GALNT7: variants seen among roughly 807,000 people sequenced by gnomAD.
The protein encoded by GALNT7 is N-acetylgalactosaminyltransferase 7.
A neutral mutation model predicts 82.1 loss-of-function variants in GALNT7; 60 were observed. That is an observed-to-expected ratio of 0.73 (90% CI 0.59 to 0.91). GALNT7 has a LOEUF of 0.91. GALNT7 is among the 40% of genes least tolerant of loss of function. GALNT7 has a pLI of 0.00. For synonymous variants in GALNT7, 243 were observed against 275.1 expected (o/e 0.88, Z 1.15); for missense variants, 660 against 804.2 (o/e 0.82, Z 2.17).
chr4:173,202,583 C>T (rs558026343), intron 1 of GALNT7, among the ~76,000 whole-genome samples: 1 of 152,314 alleles, frequency 6.6e-6, no homozygotes, highest in South Asian at 2.1e-4. Context: ...CAAATCCTGC[C>T]TCCTCCAGGA....
intron 1 of GALNT7, among the ~76,000 whole-genome samples, chr4:173,239,982 C>T (rs933044915): frequency 1.3e-5 from 2 of 152,164 alleles, no homozygotes; most frequent in Non-Finnish European, 2.9e-5. Context: ...ACTAATATCA[C>T]TGCCAAAACC....
intron 8 of GALNT7, among the ~76,000 whole-genome samples, chr4:173,312,284 G>A (rs1043923249): frequency 6.6e-6 from 1 of 152,216 alleles, no homozygotes; most frequent in Admixed American, 6.5e-5. Context: ...CACGATTCTG[G>A]TGGTTTGAAA....
intron 9 of GALNT7, among the ~76,000 whole-genome samples, chr4:173,315,350 C>G (rs1319882317): frequency 1.3e-5 from 2 of 152,054 alleles, no homozygotes; most frequent in Non-Finnish European, 2.9e-5. Flanking sequence ...TGTTGGTGTT[C>G]TGGGCATGTG....
chr4:173,227,491 C>T (rs577293237), intron 1 of GALNT7, among the ~76,000 whole-genome samples: 35 of 152,278 alleles, frequency 2.3e-4, no homozygotes, highest in African/African-American at 8.2e-4. Context: ...ACGACCACAC[C>T]TGGCTAATTT....
chr4:173,285,857 G>A (rs545855403), intron 2 of GALNT7, among the ~76,000 whole-genome samples: 10 of 152,280 alleles, frequency 6.6e-5, no homozygotes, highest in Admixed American at 2.0e-4. Context: ...AATTCCAGGG[G>A]TTCCATGAGG....
chr4:173,238,300 T>G lies in GALNT7; in HGVS notation c.127-9680T>G, dbSNP rs141202506. On this transcript the variant is annotated intron_variant, in intron 1 of 11. Coordinates refer to ENST00000265000, the MANE Select transcript of GALNT7 (RefSeq NM_017423.3). ...AGATATTTCTTGTAAAATATTGACT[T>G]CTATTAAAATATTTTGTGTAATTTA... Among the ~76,000 whole-genome samples, 583 of 152,304 alleles carry G rather than the reference T, an allele frequency of 3.8e-3. 3 individuals carry two copies. The highest frequency in any genetic ancestry group is 0.013 in the African/African-American group (561 of 41,566).
At position 173,298,272 on chromosome 4, in the gene GALNT7, A is replaced by G; in HGVS notation, c.1123A>G (p.Arg375Gly). 1 of 1,577,720 alleles carries G rather than the reference A, an allele frequency of 6.3e-7. No homozygotes were observed. The highest frequency in any genetic ancestry group is 8.6e-7 in the Non-Finnish European group (1 of 1,168,206). Residue 375 changes from arginine to glycine, a missense_variant, in exon 6 of 12, where the codon AGA (arginine) becomes GGA (glycine). By Grantham distance (125) the Arg-to-Gly change is moderately radical. Coordinates refer to ENST00000265000, the MANE Select transcript of GALNT7 (RefSeq NM_017423.3). Reference protein sequence around the residue: ...VPLTPQEKRLRKTKTEPYRSP... With the variant: ...VPLTPQEKRLGKTKTEPYRSP... Reference sequence around the variant, plus strand: ...TCTGACCCCTCAAGAGAAGAGACTGAGAAAGACAAAAACTGAACCGTATCG... The same window carrying G: ...TCTGACCCCTCAAGAGAAGAGACTGGGAAAGACAAAAACTGAACCGTATCG...
Position 173,217,621 on chromosome 4 carries a change from A to C in GALNT7, c.127-30359A>C, listed in dbSNP as rs151323877. ...ATATTTCTATTGTTTTTAAGATTCAACTCTTGGAATCTTCTACATTTCTTT... is the reference window on the plus strand; with the variant it reads ...ATATTTCTATTGTTTTTAAGATTCACCTCTTGGAATCTTCTACATTTCTTT... On this transcript the variant is annotated intron_variant, in intron 1 of 11. Coordinates refer to ENST00000265000, the MANE Select transcript of GALNT7 (RefSeq NM_017423.3). Among the ~76,000 whole-genome samples, 1,211 of 152,190 alleles carry C rather than the reference A, an allele frequency of 8.0e-3. 20 individuals are homozygous for C. The highest frequency in any genetic ancestry group is 0.027 in the African/African-American group (1,128 of 41,536).
intron 1 of GALNT7, among the ~76,000 whole-genome samples, chr4:173,199,096 A>T (rs1360201643): frequency 6.6e-6 from 1 of 152,182 alleles, no homozygotes; most frequent in Non-Finnish European, 1.5e-5. Flanking sequence ...TTTCAATCAA[A>T]TTTTTATATA....
intron 1 of GALNT7, among the ~76,000 whole-genome samples, chr4:173,210,329 A>T (rs1733238550): frequency 1.3e-5 from 2 of 152,160 alleles, no homozygotes; most frequent in Non-Finnish European, 2.9e-5. Flanking sequence ...ATCCGTCGGA[A>T]ATTTACCGTC....
At chr4:173,169,392 C>G (rs1055751422) in intron 1 of GALNT7, 5 of 151,254 alleles carry the variant, frequency 3.3e-5, no homozygotes, top group African/African-American at 1.2e-4. Context: ...GTGGCGCGTG[C>G]AGGCCTGAAG....
intron 1 of GALNT7, among the ~76,000 whole-genome samples, chr4:173,239,699 G>C (rs1734356248): frequency 6.6e-6 from 1 of 152,130 alleles, no homozygotes; most frequent in South Asian, 2.1e-4. Flanking sequence ...TAGAACATTA[G>C]ACATTACAGT....
intron 2 of GALNT7, among the ~76,000 whole-genome samples, chr4:173,254,977 C>T (rs1306158927): frequency 6.6e-6 from 1 of 152,206 alleles, no homozygotes; most frequent in Non-Finnish European, 1.5e-5. Context: ...AAAACATATA[C>T]ACATTGCATG....
intron 1 of GALNT7, among the ~76,000 whole-genome samples, chr4:173,184,180 C>T (rs975089808): frequency 2.6e-5 from 4 of 152,046 alleles, no homozygotes; most frequent in African/African-American, 9.7e-5. Context: ...AGACGCTCCT[C>T]ACTTCCTAGA....
At chr4:173,187,401 G>A (rs1207515612) in intron 1 of GALNT7, among the ~76,000 whole-genome samples, 1 of 149,248 alleles carries the variant, frequency 6.7e-6, no homozygotes, top group Non-Finnish European at 1.5e-5. Flanking sequence ...AAAAAAACCT[G>A]TGTACTGGGA....
chr4:173,216,065 A>G (rs1196356948), intron 1 of GALNT7, among the ~76,000 whole-genome samples: 1 of 152,210 alleles, frequency 6.6e-6, no homozygotes, highest in Non-Finnish European at 1.5e-5. Context: ...CAGATGTTGC[A>G]GTGAGCTGCG....
chr4:173,174,262 A>G (rs897495722), intron 1 of GALNT7, among the ~76,000 whole-genome samples: 12 of 151,952 alleles, frequency 7.9e-5, no homozygotes, highest in African/African-American at 2.9e-4. Flanking sequence ...ATACATCTAC[A>G]TTTTTTTCTA....
intron 2 of GALNT7, among the ~76,000 whole-genome samples, chr4:173,290,004 T>C (rs1038803151): frequency 2.0e-5 from 3 of 152,186 alleles, no homozygotes. Context: ...TTCAAAAATA[T>C]TATCCCCAAA....
intron 1 of GALNT7, among the ~76,000 whole-genome samples, chr4:173,229,624 G>T (rs1733958247): frequency 2.0e-5 from 3 of 152,086 alleles, no homozygotes; most frequent in African/African-American, 7.2e-5. Context: ...CTTAAACTCT[G>T]TGCCTCTGAT....
Sources: allele counts gnomAD v4.1 joint callset (sites outside exome capture counted in the v4.1 genomes callset), GRCh38; gene constraint gnomAD v4.1.1; transcripts MANE v1.5; gene names NCBI Gene and HGNC (gene_info 2026-07-23, HGNC 2026-07-21).